ARHGAP26: variants seen among roughly 807,000 people sequenced by gnomAD.
ARHGAP26 encodes the protein Rho GTPase activating protein 26.
A neutral mutation model predicts 104.8 loss-of-function variants in ARHGAP26; 38 were observed. That is an observed-to-expected ratio of 0.36 (90% CI 0.28 to 0.48). ARHGAP26 has a LOEUF of 0.48. Among genes scored for constraint, ARHGAP26 ranks in the 20% least tolerant of loss-of-function variants. The pLI is 0.99. For synonymous variants in ARHGAP26, 341 were observed against 340.0 expected, an observed-to-expected ratio of 1.00 and a Z score of -0.03; for missense variants, 704 against 947.9, an observed-to-expected ratio of 0.74 and a Z score of 3.38.
intron 21 of ARHGAP26, among the ~76,000 whole-genome samples, chr5:143,209,380 C>CTGT (rs545817601): frequency 1.8e-4 from 27 of 152,294 alleles, no homozygotes; most frequent in Non-Finnish European, 4.0e-4. Flanking sequence ...ATCTGCCATT[C>CTGT]TGTTGCCATC....
At chr5:142,933,887 G>A (rs1446121785) in intron 11 of ARHGAP26, among the ~76,000 whole-genome samples, 1 of 152,114 alleles carries the variant, frequency 6.6e-6, no homozygotes, top group Non-Finnish European at 1.5e-5. Context: ...AGACATATTT[G>A]GTTTTCATCT....
intron 11 of ARHGAP26, among the ~76,000 whole-genome samples, chr5:142,977,842 C>G (rs559999382): frequency 6.6e-6 from 1 of 152,204 alleles, no homozygotes; most frequent in Non-Finnish European, 1.5e-5. Flanking sequence ...CACAGTTCAG[C>G]GAGCTCTGGT....
intron 11 of ARHGAP26, among the ~76,000 whole-genome samples, chr5:142,958,632 A>G (rs1015300422): frequency 3.9e-5 from 6 of 152,192 alleles, no homozygotes; most frequent in Non-Finnish European, 8.8e-5. Context: ...GCACCACTGC[A>G]CTCCAGCCTG....
chr5:143,053,132 T>C (rs1785277012), intron 14 of ARHGAP26, among the ~76,000 whole-genome samples: 1 of 152,182 alleles, frequency 6.6e-6, no homozygotes, highest in African/African-American at 2.4e-5. Flanking sequence ...ACCTGGCAGT[T>C]ACATAACCTC....
At chr5:142,825,296 G>A (rs985275337) in intron 1 of ARHGAP26, among the ~76,000 whole-genome samples, 1 of 152,312 alleles carries the variant, frequency 6.6e-6, no homozygotes, top group Admixed American at 6.5e-5. Context: ...AGTAAGCAGG[G>A]GTCCTTGTGG....
At chr5:142,940,660 C>T (rs558683503) in intron 11 of ARHGAP26, among the ~76,000 whole-genome samples, 84 of 152,232 alleles carry the variant, frequency 5.5e-4, no homozygotes, top group African/African-American at 1.8e-3. Flanking sequence ...CATAGTATTC[C>T]GTGGTGTATA....
chr5:142,781,734 T>TG (rs1286591133), intron 1 of ARHGAP26, among the ~76,000 whole-genome samples: 4 of 152,172 alleles, frequency 2.6e-5, no homozygotes, highest in African/African-American at 9.7e-5. Context: ...TTTTTTGAGA[T>TG]GGAGTCTCTC....
At chr5:143,040,608 A>T (rs1490745574) in intron 13 of ARHGAP26, among the ~76,000 whole-genome samples, 1 of 152,286 alleles carries the variant, frequency 6.6e-6, no homozygotes, top group Non-Finnish European at 1.5e-5. Flanking sequence ...AGATATTGTT[A>T]ACTGCTATAA....
At chr5:143,004,916 A>C (rs1285394789) in intron 11 of ARHGAP26, among the ~76,000 whole-genome samples, 1 of 152,248 alleles carries the variant, frequency 6.6e-6, no homozygotes, top group Admixed American at 6.5e-5. Context: ...GGTTCAAGAC[A>C]TATGAAAGTA....
chr5:142,843,479 C>G (rs1247724400), intron 1 of ARHGAP26, among the ~76,000 whole-genome samples: 2 of 152,208 alleles, frequency 1.3e-5, no homozygotes, highest in Non-Finnish European at 2.9e-5. Context: ...TCATTGAGTG[C>G]TTACTCCGTG....
intron 5 of ARHGAP26, among the ~76,000 whole-genome samples, chr5:142,891,776 CAG>C: frequency 6.6e-6 from 1 of 151,982 alleles, no homozygotes; most frequent in East Asian, 1.9e-4. Flanking sequence ...CTAAGGAAAA[CAG>C]TGTTTTGTTT....
At chr5:143,078,432 G>A (rs1419988514) in intron 17 of ARHGAP26, among the ~76,000 whole-genome samples, 4 of 152,142 alleles carry the variant, frequency 2.6e-5, no homozygotes, top group African/African-American at 2.4e-5. Flanking sequence ...CCAGACCTGA[G>A]TGTGTCCGTT....
chr5:142,936,666 G>T (rs1176134445), intron 11 of ARHGAP26, among the ~76,000 whole-genome samples: 1 of 152,104 alleles, frequency 6.6e-6, no homozygotes, highest in Non-Finnish European at 1.5e-5. Flanking sequence ...TATTGACAGA[G>T]GGATAGACAC....
chr5:142,986,938 G>A (rs909683623), intron 11 of ARHGAP26, among the ~76,000 whole-genome samples: 1 of 152,182 alleles, frequency 6.6e-6, no homozygotes, highest in Non-Finnish European at 1.5e-5. Context: ...CAGGTAGTGT[G>A]ATGCCTCAAG....
intron 20 of ARHGAP26, among the ~76,000 whole-genome samples, chr5:143,159,003 C>T (rs556078754): frequency 3.9e-5 from 6 of 152,208 alleles, no homozygotes; most frequent in South Asian, 2.1e-4. Context: ...GAGTTGGTGC[C>T]GAGGAATCAC....
At chr5:143,065,527 T>G (rs1161980838) in intron 17 of ARHGAP26, among the ~76,000 whole-genome samples, 1 of 152,214 alleles carries the variant, frequency 6.6e-6, no homozygotes, top group African/African-American at 2.4e-5. Flanking sequence ...GATTTTGATC[T>G]CATCTCTTAT....
chr5:143,178,710 C>T (rs912329425), intron 20 of ARHGAP26, among the ~76,000 whole-genome samples: 4 of 152,176 alleles, frequency 2.6e-5, no homozygotes, highest in Non-Finnish European at 5.9e-5. Context: ...CATTTCCTCA[C>T]GATTGCCCCA....
In ARHGAP26 at chr5:142,956,246, G is replaced by T. The variant is rs186364884; in HGVS notation, c.1107+24121G>T. On this transcript the variant is annotated intron_variant, in intron 11 of 22. Transcript: ENST00000645722. ...ACTTTGATTTATTTTAGGACATCTT[G>T]TCTGTGTCCTGGTCTGTCTCTGAAT... Among the ~76,000 whole-genome samples the T allele has an allele frequency of 3.7e-4, 57 of 152,030 alleles. No individual in the cohort carries two copies. In the East Asian group the frequency reaches 9.7e-3, roughly 26 times the overall value.
chr5:143,034,593 A>C (rs922782155), intron 12 of ARHGAP26, among the ~76,000 whole-genome samples: 1 of 152,168 alleles, frequency 6.6e-6, no homozygotes, highest in Non-Finnish European at 1.5e-5. Context: ...AAGGGAAGAC[A>C]TGGCTAATGT....
Sources: allele counts gnomAD v4.1 joint callset (sites outside exome capture counted in the v4.1 genomes callset), GRCh38; gene constraint gnomAD v4.1.1; transcripts MANE v1.5; gene names NCBI Gene and HGNC (gene_info 2026-07-23, HGNC 2026-07-21).